The following IGSF9B variants were observed in gnomAD, a reference collection of about 807,000 sequenced individuals.
IGSF9B encodes the protein protein turtle homolog B.
Under a neutral mutation model 143.7 loss-of-function variants are expected in IGSF9B, and 48 were observed. The ratio of observed to expected loss-of-function variants is 0.33; its 90% CI spans 0.26 to 0.42. The LOEUF is 0.42. Ranked by LOEUF, IGSF9B falls within the 20% of genes least tolerant of loss-of-function variation. IGSF9B has a pLI of 1.00. For missense variants in IGSF9B, 1,706 were observed against 1,980.0 expected, an observed-to-expected ratio of 0.86 and a Z score of 2.63; for synonymous variants, 903 against 833.1, an observed-to-expected ratio of 1.08 and a Z score of -1.44.
At position 133,906,998 on chromosome 11, in the gene IGSF9B, G is replaced by C. The variant is rs1431724445; in HGVS notation, c.*2071C>G. 1.3e-5 allele frequency among the ~76,000 whole-genome samples: 2 copies of C among 152,134 alleles called. No homozygotes were observed. Among genetic ancestry groups the C allele is most frequent in the African/African-American group, 4.8e-5 (2 of 41,418 alleles). ...TGCTACCTGGAAAAAAGAACACAAAGAGTTGTGTGCTCTTCCATCTCGCAG... is the reference window on the plus strand; with the variant it reads ...TGCTACCTGGAAAAAAGAACACAAACAGTTGTGTGCTCTTCCATCTCGCAG... On this transcript the variant is annotated 3_prime_UTR_variant, in exon 20 of 20. Coordinates refer to ENST00000533871, the MANE Select transcript of IGSF9B (RefSeq NM_001277285.4).
At chr11:133,950,605 C>T (rs1940139300) in intron 1 of IGSF9B, among the ~76,000 whole-genome samples, 1 of 152,214 alleles carries the variant, frequency 6.6e-6, no homozygotes, top group Non-Finnish European at 1.5e-5. Context: ...CCTCACTTTT[C>T]CCTTTCTTAG....
rs956905973 is a variant in IGSF9B at position 133,913,397 on chromosome 11, A to C, written c.3984-1390T>G. Among the ~76,000 whole-genome samples the C allele has an allele frequency of 1.3e-5, 2 of 152,116 alleles. No homozygotes were observed. Among genetic ancestry groups the C allele is most frequent in the African/African-American group, 4.8e-5 (2 of 41,428 alleles). On this transcript the variant is annotated intron_variant, in intron 18 of 19. Coordinates refer to ENST00000533871, the MANE Select transcript of IGSF9B (RefSeq NM_001277285.4). The surrounding 1 kb of genome is among the most constrained non-coding windows in gnomAD (Gnocchi z 4.6). ...CCCAGCATCAAATATGTTGGCAGCA[A>C]GGCGGGAAGAGGAGACTTACACACT...
intron 1 of IGSF9B, among the ~76,000 whole-genome samples, chr11:133,952,398 C>T (rs180708619): frequency 3.3e-5 from 5 of 152,180 alleles, no homozygotes; most frequent in Non-Finnish European, 5.9e-5. Flanking sequence ...CCAAGGGCAC[C>T]GTGGCAGAGT....
At chr11:133,956,377 G>A (rs1186369371) in intron 1 of IGSF9B, among the ~76,000 whole-genome samples, 1 of 152,102 alleles carries the variant, frequency 6.6e-6, no homozygotes, top group Non-Finnish European at 1.5e-5. Context: ...GACGGGCTAG[G>A]CGCGCCGGTG....
rs749377574 is a variant in IGSF9B at position 133,944,308 on chromosome 11, G to A, written c.321C>T (p.Asp107=). 3 of 1,613,960 alleles carry A rather than the reference G, an allele frequency of 1.9e-6. No homozygotes were observed. Among genetic ancestry groups the A allele is most frequent in the Non-Finnish European group, 2.5e-6 (3 of 1,179,876 alleles). The change falls in exon 3 of 20, where the codon GAC becomes GAT. Residue 107 remains aspartate, a synonymous_variant. Transcript: ENST00000533871. ...SLRLEQVRSE[D]QGWYECKVLM... ...GCACTTTGCACTCATACCAGCCCTG[G>A]TCCTCAGAGCGAACTTGTTCCAGCC...
At chr11:133,935,134 G>C (rs1190175434) in intron 7 of IGSF9B, among the ~76,000 whole-genome samples, 2 of 152,158 alleles carry the variant, frequency 1.3e-5, no homozygotes, top group Non-Finnish European at 2.9e-5. Flanking sequence ...GGACGCCAGA[G>C]GGAGCAGGCG....
At chr11:133,937,598 A>G in intron 4 of IGSF9B, 105 bp from the exon 5 acceptor site, 1 of 1,052,800 alleles carries the variant, frequency 9.5e-7, no homozygotes, top group Non-Finnish European at 1.4e-6. Flanking sequence ...AGATGACCAC[A>G]GGGACAGATG....
In IGSF9B at chr11:133,919,619, G is replaced by GCATGT. The variant is rs1939469738; in HGVS notation, c.3983+122_3983+123insACATG. 4.6e-6 allele frequency: 3 copies of GCATGT among 649,452 alleles called. No individual in the cohort carries two copies. In the Admixed American group the frequency reaches 1.2e-4, roughly 25 times the overall value. 40.2% of individuals were successfully genotyped at this position (649,452 alleles called of 1,614,324 possible). On this transcript the variant is annotated intron_variant, in intron 18 of 19. Transcript: ENST00000533871. The stretch of plus-strand genomic sequence containing the variant: ...CGGCCAGAACTCCTCTCCGAGGGAC[G>GCATGT]CCGGTGCGGCATGTCCGCACGAGCC...
intron 1 of IGSF9B, among the ~76,000 whole-genome samples, chr11:133,949,888 C>A (rs1029809615): frequency 1.3e-5 from 2 of 150,692 alleles, no homozygotes; most frequent in Admixed American, 6.6e-5. Context: ...CACCATAGGT[C>A]TCACTCTCTT....
chr11:133,919,320 C>G (rs1457001404), intron 18 of IGSF9B, among the ~76,000 whole-genome samples: 2 of 152,074 alleles, frequency 1.3e-5, no homozygotes, highest in East Asian at 3.9e-4. Context: ...GCAGCAGGGG[C>G]CGGGGAAGAA....
In IGSF9B at chr11:133,931,024, C is replaced by T. The variant is rs1939717323; in HGVS notation, c.1479G>A (p.Val493=). The change falls in exon 11 of 20, where the codon GTG becomes GTA. Residue 493 remains valine, a synonymous_variant. Coordinates refer to ENST00000533871, the MANE Select transcript of IGSF9B (RefSeq NM_001277285.4). This position sits in a 1 kb window ranked among gnomAD's most constrained non-coding sequence, Gnocchi z 7.7. The part of the protein sequence containing the change: ...HGEWECVATN[V]VTSITASTHL... ...GGGTGCTGGCAGTGATGCTCGTGAC[C>T]ACGTTGGTGGCGACACATTCCCACT... 5.6e-6 allele frequency: 9 copies of T among 1,613,552 alleles called. No individual in the cohort carries two copies. Among genetic ancestry groups the T allele is most frequent in the Non-Finnish European group, 7.6e-6 (9 of 1,179,722 alleles).
rs375960322 is a variant in IGSF9B, at chr11:133,932,095, G to A, written c.1086C>T (p.Asp362=). The change falls in exon 8 of 20, where the codon GAC becomes GAT. Residue 362 remains aspartate, a synonymous_variant. Transcript: ENST00000533871. The part of the protein sequence containing the change: ...PPATVVKWNK[D]GRPLQVEKNL... ...CCTTCTCAACCTGCAGGGGACGGCCGTCCTTGTTCCACTTGACCACGGTGG... is the reference window on the plus strand; with the variant it reads ...CCTTCTCAACCTGCAGGGGACGGCCATCCTTGTTCCACTTGACCACGGTGG... 4.7e-5 allele frequency: 76 copies of A among 1,613,644 alleles called. No homozygotes were observed. The highest frequency in any genetic ancestry group is 5.6e-5 in the Non-Finnish European group (66 of 1,179,734).
Position 133,928,742 on chromosome 11 carries a change from C to T in IGSF9B, c.1631+929G>A, listed in dbSNP as rs1939673281. ...AGTCAGCTAGGCTTCCTTCTCCTCC[C>T]TTCCTGTGCCTCCTGCCCTCACCCC... On this transcript the variant is annotated intron_variant, in intron 12 of 19. Coordinates refer to ENST00000533871, the MANE Select transcript of IGSF9B (RefSeq NM_001277285.4). This position sits in a 1 kb window ranked among gnomAD's most constrained non-coding sequence, Gnocchi z 4.7. Among the ~76,000 whole-genome samples, 1 of 151,956 alleles carries T rather than the reference C, an allele frequency of 6.6e-6. No individual in the cohort carries two copies. The highest frequency in any genetic ancestry group is 2.1e-4 in the South Asian group (1 of 4,824).
Position 133,904,009 on chromosome 11 carries a change from G to A in IGSF9B, c.*5060C>T, listed in dbSNP as rs1442658514. Among the ~76,000 whole-genome samples, 2 of 152,222 alleles carry A rather than the reference G, an allele frequency of 1.3e-5. No individual in the cohort carries two copies. Among genetic ancestry groups the A allele is most frequent in the Non-Finnish European group, 2.9e-5 (2 of 68,048 alleles). On this transcript the variant is annotated 3_prime_UTR_variant, in exon 20 of 20. Transcript: ENST00000533871. ...AGAAGAATGGCTGGTCAAGCCAAGA[G>A]TTTCAGGTGAAACTCTTTTGCCCTC... is the stretch of plus-strand genomic sequence containing the variant.
In IGSF9B at chr11:133,897,797, C is replaced by T. The variant is rs547770804; in HGVS notation, c.*11272G>A. On this transcript the variant is annotated 3_prime_UTR_variant, in exon 20 of 20. Coordinates refer to ENST00000533871, the MANE Select transcript of IGSF9B (RefSeq NM_001277285.4). ...CCTCTAGTTGCCATTCAAGTTCACA[C>T]TCAAAGGTGTTCTGTGTGCAGCTGT... The T allele has an allele frequency of 3.3e-5, 5 of 152,320 alleles. No individual in the cohort carries two copies. The East Asian group carries it at 7.7e-4, about 23-fold the overall frequency. The allele number at this position is 152,320 out of a possible 1,614,324, so 9.4% of individuals were successfully genotyped here.
chr11:133,927,391 C>T (rs1939647459), intron 12 of IGSF9B, among the ~76,000 whole-genome samples: 1 of 152,214 alleles, frequency 6.6e-6, no homozygotes, highest in African/African-American at 2.4e-5. Flanking sequence ...GGGAGAATCC[C>T]ACCCTGGTCA....
In IGSF9B at chr11:133,901,887, CACAA is replaced by C. The variant is rs1565409530; in HGVS notation, c.*7178_*7181del. 4.9e-5 allele frequency among the ~76,000 whole-genome samples: 7 copies of C among 143,542 alleles called. No individual in the cohort carries two copies. The highest frequency in any genetic ancestry group is 1.6e-4 in the African/African-American group (6 of 36,840). 94.2% of individuals were successfully genotyped at this position (143,542 alleles called of 152,430 possible). A position where few individuals can be genotyped will look rare whatever the true frequency, so the allele number is the denominator to read the frequency against. On this transcript the variant is annotated 3_prime_UTR_variant, in exon 20 of 20. Transcript: ENST00000533871. The stretch of plus-strand genomic sequence containing the variant: ...GCACCACACACGCACCACACACACA[CACAA>C]CACACACACAACACACCACACACAA...
chr11:133,903,874 C>T lies in IGSF9B; in HGVS notation c.*5195G>A, dbSNP rs754378401. On this transcript the variant is annotated 3_prime_UTR_variant, in exon 20 of 20. Transcript: ENST00000533871. ...GCCAAACAGCAAGCTGGTAAGAGTG[C>T]GAAAGTCCAATCTGGGCTTTGATCC... 3.9e-5 allele frequency among the ~76,000 whole-genome samples: 6 copies of T among 152,208 alleles called. No homozygotes were observed. The highest frequency in any genetic ancestry group is 1.9e-4 in the East Asian group (1 of 5,168).
At chr11:133,952,070 C>A (rs1400474419) in intron 1 of IGSF9B, 1 of 455,640 alleles carries the variant, frequency 2.2e-6, no homozygotes, top group Non-Finnish European at 4.4e-6. Flanking sequence ...GACAGTCAGG[C>A]CGGCTGAGAC....
Sources: allele counts gnomAD v4.1 joint callset (sites outside exome capture counted in the v4.1 genomes callset), GRCh38; gene constraint gnomAD v4.1.1; non-coding constraint Gnocchi (gnomAD v3.1); transcripts MANE v1.5; gene names NCBI Gene and HGNC (gene_info 2026-07-23, HGNC 2026-07-21).